ZFYVE19: variants seen among roughly 807,000 people sequenced by gnomAD.
ZFYVE19 encodes the protein abscission/NoCut checkpoint regulator.
ZFYVE19 carries 49 observed loss-of-function variants against 62.8 expected under a neutral mutation model. The ratio of observed to expected loss-of-function variants is 0.78; its 90% CI spans 0.62 to 0.99. The LOEUF (loss-of-function observed/expected upper bound fraction) is 0.99. Among genes scored for constraint, ZFYVE19 ranks in the 50% least tolerant of loss-of-function variants. The pLI is 0.00. For missense variants in ZFYVE19, 630 were observed against 601.9 expected, an observed-to-expected ratio of 1.05 and a Z score of -0.49; for synonymous variants, 242 against 234.3, an observed-to-expected ratio of 1.03 and a Z score of -0.30.
At chr15:40,808,790 GTCTC>G (rs1283796069) in intron 1 of ZFYVE19, 1 of 332,030 alleles carries the variant, frequency 3.0e-6, no homozygotes, top group Non-Finnish European at 5.7e-6. Flanking sequence ...GCTCTGCCCT[GTCTC>G]TCTGATTCTC....
chr15:40,810,447 G>C (rs1380102772), intron 5 of ZFYVE19, among the ~76,000 whole-genome samples: 1 of 152,148 alleles, frequency 6.6e-6, no homozygotes, highest in African/African-American at 2.4e-5. Context: ...CAGACCCGGG[G>C]ACCAGGGACA....
Position 40,807,747 on chromosome 15 carries a change from G to GT in ZFYVE19, c.159dup (p.Pro54SerfsTer10). 1 of 1,592,196 alleles carries GT rather than the reference G, an allele frequency of 6.3e-7. No individual in the cohort carries two copies. The highest frequency in any genetic ancestry group is 8.5e-7 in the Non-Finnish European group (1 of 1,172,302). ...AGGGAAGGGCGGAGCTGGGGTGAGG[G>GT]TCCAAGGGGCCCAGGACTTGGCCGG... On this transcript the variant is annotated frameshift_variant, in exon 1 of 11. Coordinates refer to ENST00000355341, the MANE Select transcript of ZFYVE19 (RefSeq NM_001077268.2). LOFTEE classifies it high-confidence loss of function.
At chr15:40,813,564 G>C in intron 8 of ZFYVE19, 147 bp downstream of exon 8, 5 of 1,133,758 alleles carry the variant, frequency 4.4e-6, no homozygotes, top group Non-Finnish European at 6.3e-6. Context: ...CTGCCCACTG[G>C]TCCCTGGAGA....
chr15:40,811,360 A>AT (rs1890482444), intron 6 of ZFYVE19, among the ~76,000 whole-genome samples: 1 of 152,198 alleles, frequency 6.6e-6, no homozygotes, highest in African/African-American at 2.4e-5. Context: ...ACAAAGGATG[A>AT]TTTTGCCCCC....
intron 5 of ZFYVE19, 135 bp from the exon 6 acceptor site, chr15:40,810,514 C>G (rs773952027): frequency 3.4e-5 from 50 of 1,463,316 alleles, no homozygotes; most frequent in Non-Finnish European, 4.5e-5. Flanking sequence ...TTGGGGACGG[C>G]CAGACCTACT....
chr15:40,808,049 A>G (rs1336305925), intron 1 of ZFYVE19, 181 bp downstream of exon 1: 1 of 1,045,484 alleles, frequency 9.6e-7, no homozygotes, highest in Admixed American at 2.0e-5. Context: ...TTCAGGGTTT[A>G]TGTGAGGGTC....
At position 40,814,531 on chromosome 15, in the gene ZFYVE19, G is replaced by A. The variant is rs933585353; in HGVS notation, c.*305G>A. 15 of 454,810 alleles carry A rather than the reference G, an allele frequency of 3.3e-5. No homozygotes were observed. The highest frequency in any genetic ancestry group is 2.8e-4 in the Admixed American group (8 of 28,856). 28.2% of individuals were successfully genotyped at this position (454,810 alleles called of 1,614,324 possible). Reference sequence around the variant, plus strand: ...CTCTAGGGCACAGGCCCCTCCCCTGGCACTTAGTGGGTCTAATAAAGTATG... The same window carrying A: ...CTCTAGGGCACAGGCCCCTCCCCTGACACTTAGTGGGTCTAATAAAGTATG... On this transcript the variant is annotated 3_prime_UTR_variant, in exon 11 of 11. Coordinates refer to ENST00000355341, the MANE Select transcript of ZFYVE19 (RefSeq NM_001077268.2).
intron 6 of ZFYVE19, 68 bp from the exon 7 acceptor site, chr15:40,812,631 G>GGGC: frequency 8.6e-7 from 1 of 1,165,826 alleles, no homozygotes; most frequent in Non-Finnish European, 1.3e-6. Context: ...GTTGAGAAAT[G>GGGC]GGCTCATTGG....
In ZFYVE19 at chr15:40,813,281, T is replaced by C. The variant is rs763257460; in HGVS notation, c.1031-57T>C. ...TGGGAGGCAGGAGGGCAGCCACTCA[T>C]GTGAAATCTCTCACTCTCACTCCCC... On this transcript the variant is annotated intron_variant, in intron 7 of 10. Transcript: ENST00000355341. 119 of 1,544,322 alleles carry C rather than the reference T, an allele frequency of 7.7e-5. 2 individuals are homozygous for C. The South Asian group carries it at 1.3e-3, about 17-fold the overall frequency.
In ZFYVE19 at chr15:40,814,084, G is replaced by A; in HGVS notation, c.1337+14G>A. The A allele has an allele frequency of 6.2e-7, 1 of 1,614,192 alleles. No individual in the cohort carries two copies. The highest frequency in any genetic ancestry group is 8.5e-7 in the Non-Finnish European group (1 of 1,180,028). Reference sequence around the variant, plus strand: ...CCGCTGCTTCCGGTGGGTGCAGGTGGAATGTTCTGTGCGAGAGCTCAAGGG... The same window carrying A: ...CCGCTGCTTCCGGTGGGTGCAGGTGAAATGTTCTGTGCGAGAGCTCAAGGG... On this transcript the variant is annotated intron_variant, in intron 10 of 10. Transcript: ENST00000355341.
chr15:40,814,678 TCC>T lies in ZFYVE19; in HGVS notation c.*453_*454del. 1 of 187,548 alleles carries T rather than the reference TCC, an allele frequency of 5.3e-6. No homozygotes were observed. Among genetic ancestry groups the T allele is most frequent in the Non-Finnish European group, 1.1e-5 (1 of 88,796 alleles). 11.6% of individuals were successfully genotyped at this position (187,548 alleles called of 1,614,324 possible). On this transcript the variant is annotated 3_prime_UTR_variant, in exon 11 of 11. Transcript: ENST00000355341. ...GGGAATGGGGGAAAAGGTTGAGCCATCCTATGAACTTCTCCAGGCAGGAACAG... is the reference window on the plus strand; with the variant it reads ...GGGAATGGGGGAAAAGGTTGAGCCATTATGAACTTCTCCAGGCAGGAACAG...
In ZFYVE19 at chr15:40,810,146, C is replaced by T. The variant is rs1284569882; in HGVS notation, c.647C>T (p.Ser216Phe). The T allele has an allele frequency of 1.9e-6, 3 of 1,614,016 alleles. No individual in the cohort carries two copies. The Admixed American group carries it at 5.0e-5, about 27-fold the overall frequency. Residue 216 changes from serine (S) to phenylalanine (F), a missense_variant, in exon 5 of 11, where the codon TCC becomes TTC. Physicochemically the swap from Ser to Phe is radical, Grantham distance 155. Coordinates refer to ENST00000355341, the MANE Select transcript of ZFYVE19 (RefSeq NM_001077268.2). The stretch of plus-strand genomic sequence containing the variant: ...GATGAACGTCAGGGTTCCATCCCTT[C>T]CACCCAGGAAATGGAGGCACGACTT... ...LKDERQGSIP[S>F]TQEMEARLAA...
At position 40,810,202 on chromosome 15, in the gene ZFYVE19, C is replaced by G; in HGVS notation, c.703C>G (p.Gln235Glu). 6.2e-7 allele frequency: 1 copy of G among 1,614,194 alleles called. No homozygotes were observed. Among genetic ancestry groups the G allele is most frequent in the Non-Finnish European group, 8.5e-7 (1 of 1,180,028 alleles). Reference protein sequence around the residue: ...AALQGRVLPSQTPQPAHHTPD... With the variant: ...AALQGRVLPSETPQPAHHTPD... ...GTTGCAGGGCAGAGTTCTACCTTCTCAAACCCCCCAGCCGGTGAGTGTTAT... is the reference window on the plus strand; with the variant it reads ...GTTGCAGGGCAGAGTTCTACCTTCTGAAACCCCCCAGCCGGTGAGTGTTAT... The change falls in exon 5 of 11, where the codon CAA (glutamine) becomes GAA (glutamate). Residue 235 changes from glutamine (Q) to glutamate (E), a missense_variant. Physicochemically the swap from Gln to Glu is conservative, Grantham distance 29. Coordinates refer to ENST00000355341, the MANE Select transcript of ZFYVE19 (RefSeq NM_001077268.2).
rs1596116446 is a variant in ZFYVE19, at chr15:40,810,966, A to G, written c.826+209A>G. On this transcript the variant is annotated intron_variant, in intron 6 of 10. Transcript: ENST00000355341. The stretch of plus-strand genomic sequence containing the variant: ...GCTTTAGAATCAGACAGTGATTCCC[A>G]TTTCTACCACGTATTAGCTGTGTGA... The G allele has an allele frequency of 7.1e-6, 4 of 562,782 alleles. No individual in the cohort carries two copies. The East Asian group carries it at 1.0e-4, about 14-fold the overall frequency. 34.9% of individuals were successfully genotyped at this position (562,782 alleles called of 1,614,324 possible). A position where few individuals can be genotyped will look rare whatever the true frequency, so the allele number is the denominator to read the frequency against.
chr15:40,811,241 G>A (rs2141978182), intron 6 of ZFYVE19, among the ~76,000 whole-genome samples: 1 of 152,310 alleles, frequency 6.6e-6, no homozygotes, highest in East Asian at 1.9e-4. Flanking sequence ...GGGCTTCATG[G>A]CTACCATCTT....
At chr15:40,810,323 T>C in intron 5 of ZFYVE19, 107 bp downstream of exon 5, 1 of 1,489,448 alleles carries the variant, frequency 6.7e-7, no homozygotes, top group East Asian at 2.3e-5. Context: ...GTTTTTGTCA[T>C]TACTTTTAAT....
chr15:40,812,941 G>A (rs1890543206), intron 7 of ZFYVE19, 39 bp downstream of exon 7: 3 of 1,600,186 alleles, frequency 1.9e-6, no homozygotes, highest in African/African-American at 2.7e-5. Context: ...GTATCCCTTG[G>A]TCAAGGCCTC....
chr15:40,810,807 G>A (rs1228024593), intron 6 of ZFYVE19, 50 bp downstream of exon 6: 1 of 1,547,738 alleles, frequency 6.5e-7, no homozygotes, highest in Non-Finnish European at 8.7e-7. Context: ...TCTTTCCCCA[G>A]ACTGGAGAGG....
Position 40,812,759 on chromosome 15 carries a change from A to G in ZFYVE19, c.887A>G (p.Gln296Arg), listed in dbSNP as rs552917191. 1.2e-6 allele frequency: 2 copies of G among 1,612,744 alleles called. No individual in the cohort carries two copies. Among genetic ancestry groups the G allele is most frequent in the Admixed American group, 1.7e-5 (1 of 60,010 alleles). ...GGPGSTNSKR[Q>R]ANWSLEEEKS... is the part of the protein sequence containing the mutation. ...CCAGGGAGCACTAATTCCAAGAGGC[A>G]GGCCAACTGGTCCTTGGAGGAGGAG... is the stretch of plus-strand genomic sequence containing the variant. The change falls in exon 7 of 11, where the codon CAG becomes CGG. Residue 296 changes from glutamine to arginine, a missense_variant. Gln to Arg is a conservative substitution (Grantham distance 43, BLOSUM62 1). Transcript: ENST00000355341.
Sources: gnomAD v4.1 joint callset for allele counts (sites outside exome capture counted in the v4.1 genomes callset) on GRCh38, gnomAD v4.1.1 for gene constraint, MANE v1.5 for transcripts, NCBI Gene and HGNC (gene_info 2026-07-23, HGNC 2026-07-21) for gene names.